SLC12A7: variants seen among roughly 807,000 people sequenced by gnomAD.
SLC12A7 encodes K-Cl cotransporter 4.
A neutral mutation model predicts 120.6 loss-of-function variants in SLC12A7; 100 were observed. The observed-to-expected ratio is 0.83, with a 90% CI of 0.71 to 0.98. The LOEUF is 0.98. Ranked by LOEUF, SLC12A7 falls within the 50% of genes least tolerant of loss-of-function variation. The probability of loss-of-function intolerance (pLI) is 0.00; values close to 1 mark genes in which losing one functional copy is unlikely to be tolerated. For synonymous variants in SLC12A7, 760 were observed against 678.0 expected, an observed-to-expected ratio of 1.12 and a Z score of -1.88; for missense variants, 1,373 against 1,548.1, an observed-to-expected ratio of 0.89 and a Z score of 1.90.
chr5:1,149,628 G>A, the SLC12A7 span, among the ~76,000 whole-genome samples: 1 of 152,138 alleles, frequency 6.6e-6, no homozygotes, highest in African/African-American at 2.4e-5. Flanking sequence ...AAATAGTTGT[G>A]AAGTGGTGTC....
intron 9 of SLC12A7, among the ~76,000 whole-genome samples, chr5:1,081,097 A>G (rs1739043069): frequency 2.9e-5 from 1 of 34,798 alleles, no homozygotes; most frequent in African/African-American, 5.1e-5. Context: ...GAGAGGGAAA[A>G]GGGTAGGGGG....
the SLC12A7 span, among the ~76,000 whole-genome samples, chr5:1,127,367 A>G: frequency 1.3e-5 from 2 of 152,366 alleles, no homozygotes; most frequent in Non-Finnish European, 2.9e-5. Flanking sequence ...GCAAAAGGCA[A>G]GGGCCACAGA....
At chr5:1,116,605 G>A (rs1743331203), upstream of SLC12A7, among the ~76,000 whole-genome samples, 1 of 152,114 alleles carries the variant, frequency 6.6e-6, no homozygotes, top group African/African-American at 2.4e-5. Context: ...AGATTCCGTG[G>A]ATGAGTCCGA....
At chr5:1,058,690 C>G (rs1735878985) in intron 21 of SLC12A7, among the ~76,000 whole-genome samples, 1 of 152,258 alleles carries the variant, frequency 6.6e-6, no homozygotes, top group Non-Finnish European at 1.5e-5. Flanking sequence ...CTGCCTCCCT[C>G]TCTGGACACA....
intron 23 of SLC12A7, among the ~76,000 whole-genome samples, chr5:1,053,050 G>A (rs1304697738): frequency 6.6e-6 from 1 of 152,226 alleles, no homozygotes; most frequent in Non-Finnish European, 1.5e-5. Flanking sequence ...CAGCTGCTGT[G>A]GGGATGCATG....
chr5:1,136,632 C>G, the SLC12A7 span, among the ~76,000 whole-genome samples: 1 of 136,928 alleles, frequency 7.3e-6, no homozygotes, highest in South Asian at 2.5e-4. Context: ...GACACCAACA[C>G]CAGGACACGC....
At chr5:1,094,327 C>G in intron 1 of SLC12A7, 79 bp from the exon 2 acceptor site, 2 of 1,032,116 alleles carry the variant, frequency 1.9e-6, no homozygotes, top group East Asian at 2.4e-5. Context: ...AGATCTTGCA[C>G]GGAGGGCTCT....
At chr5:1,056,601 G>A in intron 22 of SLC12A7, 2 of 985,238 alleles carry the variant, frequency 2.0e-6, no homozygotes, top group South Asian at 4.7e-5. Flanking sequence ...CATTCTCTAT[G>A]CAGGAGAAAA....
Position 1,085,276 on chromosome 5 carries a change from G to C in SLC12A7, c.873C>G (p.Ile291Met). ...LACVVLSILAIYAGVIKSAFD... is the reference protein window; with the variant it reads ...LACVVLSILAMYAGVIKSAFD... ...AGGCAGACTTGATGACGCCGGCATA[G>C]ATGGCCAGGATGGACAGCACGACGC... The change falls in exon 7 of 24, where the codon ATC becomes ATG. Residue 291 changes from isoleucine (I) to methionine (M), a missense_variant. Coordinates refer to ENST00000264930, the MANE Select transcript of SLC12A7 (RefSeq NM_006598.3). 1.2e-6 allele frequency: 2 copies of C among 1,612,616 alleles called. No individual in the cohort carries two copies. The highest frequency in any genetic ancestry group is 1.7e-6 in the Non-Finnish European group (2 of 1,179,868).
the SLC12A7 span, among the ~76,000 whole-genome samples, chr5:1,154,668 G>A: frequency 6.6e-6 from 1 of 152,180 alleles, no homozygotes; most frequent in Admixed American, 6.5e-5. Context: ...GGCTGCCCTC[G>A]CTGTGGACTC....
At chr5:1,140,541 T>C in the SLC12A7 span, among the ~76,000 whole-genome samples, 4 of 152,160 alleles carry the variant, frequency 2.6e-5, no homozygotes, top group African/African-American at 9.7e-5. Flanking sequence ...CAGCTGTCCC[T>C]GGAGGGAGGC....
chr5:1,113,907 G>T (rs1743209698), upstream of SLC12A7, among the ~76,000 whole-genome samples: 1 of 152,216 alleles, frequency 6.6e-6, no homozygotes, highest in African/African-American at 2.4e-5. Context: ...CAGAGCTCAG[G>T]GTGGGCACGA....
intron 1 of SLC12A7, among the ~76,000 whole-genome samples, chr5:1,107,963 C>T (rs1008768385): frequency 2.0e-5 from 3 of 152,122 alleles, no homozygotes; most frequent in Non-Finnish European, 4.4e-5. Context: ...CCCAACACCG[C>T]GTGACCCTCT....
intron 1 of SLC12A7, among the ~76,000 whole-genome samples, chr5:1,100,412 C>T (rs550049165): frequency 6.6e-6 from 1 of 152,364 alleles, no homozygotes; most frequent in Admixed American, 6.5e-5. Context: ...CACAGCCTTT[C>T]AAAGGCTCGA....
intron 18 of SLC12A7, 31 bp downstream of exon 18, chr5:1,065,252 G>A (rs771664711): frequency 1.3e-6 from 2 of 1,499,240 alleles, no homozygotes; most frequent in Non-Finnish European, 1.8e-6. Context: ...GGACGGTGAG[G>A]GGATGCCGAA....
upstream of SLC12A7, among the ~76,000 whole-genome samples, chr5:1,113,979 G>A (rs1397626357): frequency 3.9e-5 from 6 of 152,246 alleles, no homozygotes; most frequent in East Asian, 9.6e-4. Context: ...GCACATCCAA[G>A]CTCTGCTTCA....
rs765560780 is a variant in SLC12A7 at position 1,083,823 on chromosome 5, C to T, written c.1051G>A (p.Ala351Thr). ...LFCNGSQPSA[A>T]CDEYFIQNNV... ...TTCTGGATGAAGTACTCGTCACAGG[C>T]GGCGCTGGGCTGGGAGCCGTTGCAG... The change falls in exon 8 of 24, where the codon GCC (alanine) becomes ACC (threonine). Residue 351 changes from alanine to threonine, a missense_variant. By Grantham distance (58) the Ala-to-Thr change is moderately conservative. Coordinates refer to ENST00000264930, the MANE Select transcript of SLC12A7 (RefSeq NM_006598.3). 13 of 1,609,286 alleles carry T rather than the reference C, an allele frequency of 8.1e-6. No homozygotes were observed. The highest frequency in any genetic ancestry group is 2.2e-5 in the East Asian group (1 of 44,798).
chr5:1,133,204 C>T, the SLC12A7 span, among the ~76,000 whole-genome samples: 1 of 152,240 alleles, frequency 6.6e-6, no homozygotes, highest in Non-Finnish European at 1.5e-5. Flanking sequence ...ACATGAGCCA[C>T]CGCACCCAGC....
the SLC12A7 span, among the ~76,000 whole-genome samples, chr5:1,125,168 A>C: frequency 6.6e-6 from 1 of 152,200 alleles, no homozygotes; most frequent in South Asian, 2.1e-4. Flanking sequence ...CTGTGGAAAG[A>C]TAATGGAAAA....
Sources: gnomAD v4.1 joint callset for allele counts (sites outside exome capture counted in the v4.1 genomes callset) on GRCh38, gnomAD v4.1.1 for gene constraint, MANE v1.5 for transcripts, NCBI Gene and HGNC (gene_info 2026-07-23, HGNC 2026-07-21) for gene names.